The following CMTM4 variants were observed in gnomAD, a reference collection of about 807,000 sequenced individuals.
CMTM4 encodes CKLF like MARVEL transmembrane domain containing 4.
A neutral mutation model predicts 19.0 loss-of-function variants in CMTM4; 8 were observed. The observed-to-expected ratio is 0.42, with a 90% CI of 0.25 to 0.76. The LOEUF (loss-of-function observed/expected upper bound fraction) is 0.76, where lower values mean the gene tolerates loss of function less well. CMTM4 is among the 30% of genes least tolerant of loss of function. The probability of loss-of-function intolerance (pLI) is 0.27; values close to 1 mark genes in which losing one functional copy is unlikely to be tolerated. For missense variants in CMTM4, 228 were observed against 290.2 expected (o/e 0.79, Z 1.56); for synonymous variants, 106 against 121.1 (o/e 0.88, Z 0.82).
At chr16:66,639,270 C>T (rs1314236539) in intron 1 of CMTM4, among the ~76,000 whole-genome samples, 1 of 152,110 alleles carries the variant, frequency 6.6e-6, no homozygotes, top group Non-Finnish European at 1.5e-5. Context: ...CAAGAAATAA[C>T]ACACTGTACT....
intron 1 of CMTM4, among the ~76,000 whole-genome samples, chr16:66,672,978 C>T (rs1444276914): frequency 1.4e-5 from 2 of 141,474 alleles, no homozygotes; most frequent in Admixed American, 1.5e-4. Flanking sequence ...GGTGCAATCT[C>T]GGCTCACCAC....
At chr16:66,602,475 C>T in the CMTM4 span, among the ~76,000 whole-genome samples, 1 of 152,036 alleles carries the variant, frequency 6.6e-6, no homozygotes, top group Non-Finnish European at 1.5e-5. Context: ...ACCCTATACC[C>T]AAGGGTAAAA....
intron 1 of CMTM4, among the ~76,000 whole-genome samples, chr16:66,662,081 C>T (rs2016508793): frequency 6.6e-6 from 1 of 152,070 alleles, no homozygotes; most frequent in South Asian, 2.1e-4. Flanking sequence ...GGCTATCAGA[C>T]AATAAAAACA....
At chr16:66,651,079 C>G (rs1196915749) in intron 1 of CMTM4, among the ~76,000 whole-genome samples, 1 of 152,154 alleles carries the variant, frequency 6.6e-6, no homozygotes, top group Non-Finnish European at 1.5e-5. Flanking sequence ...TAGTTGTTAA[C>G]GGCTGCTGGA....
the CMTM4 span, among the ~76,000 whole-genome samples, chr16:66,599,330 G>A: frequency 2.0e-5 from 3 of 151,426 alleles, no homozygotes; most frequent in African/African-American, 7.3e-5. Flanking sequence ...AAATATAAGG[G>A]GACCTCCAAA....
intron 1 of CMTM4, among the ~76,000 whole-genome samples, chr16:66,670,718 T>C (rs537441485): frequency 6.6e-6 from 1 of 151,962 alleles, no homozygotes; most frequent in Admixed American, 6.6e-5. Flanking sequence ...GAAAATCGCC[T>C]GAACCCAGGA....
intron 1 of CMTM4, among the ~76,000 whole-genome samples, chr16:66,678,013 G>A (rs775385461): frequency 7.2e-5 from 11 of 151,874 alleles, no homozygotes; most frequent in Non-Finnish European, 1.6e-4. Context: ...ATCTATTTTC[G>A]TGAAGAAAAG....
chr16:66,626,491 A>T (rs893186740), intron 2 of CMTM4, among the ~76,000 whole-genome samples: 1 of 152,184 alleles, frequency 6.6e-6, no homozygotes, highest in African/African-American at 2.4e-5. Context: ...ATGTAGTCCC[A>T]GTTACTCGGC....
chr16:66,674,632 A>G (rs2016773045), intron 1 of CMTM4, among the ~76,000 whole-genome samples: 1 of 152,074 alleles, frequency 6.6e-6, no homozygotes, highest in African/African-American at 2.4e-5. Flanking sequence ...ACGAGTCAGC[A>G]AGCTACCTGT....
chr16:66,624,223 A>G (rs2015692028), intron 2 of CMTM4, among the ~76,000 whole-genome samples: 1 of 152,226 alleles, frequency 6.6e-6, no homozygotes, highest in Admixed American at 6.5e-5. Context: ...ATGGAACCAT[A>G]CAGGTGAAGA....
At chr16:66,694,652 G>T (rs1263433745) in intron 1 of CMTM4, among the ~76,000 whole-genome samples, 1 of 148,702 alleles carries the variant, frequency 6.7e-6, no homozygotes, top group East Asian at 2.0e-4. Flanking sequence ...GGCAGAGGTG[G>T]CAGTGAGCCA....
Position 66,617,334 on chromosome 16 carries a change from T to C in CMTM4, c.*4724A>G. 6.2e-7 allele frequency: 1 copy of C among 1,613,998 alleles called. No individual in the cohort carries two copies. Among genetic ancestry groups the C allele is most frequent in the Non-Finnish European group, 8.5e-7 (1 of 1,179,974 alleles). Reference sequence around the variant, plus strand: ...GGTTTGTGGGTGATTTTTTCCTTACTGTTACGTTTGTGGAGTAGGAAAAAC... The same window carrying C: ...GGTTTGTGGGTGATTTTTTCCTTACCGTTACGTTTGTGGAGTAGGAAAAAC... On this transcript the variant is annotated 3_prime_UTR_variant, in exon 4 of 4. Transcript: ENST00000394106.
the CMTM4 span, chr16:66,604,675 G>A: frequency 1.5e-6 from 1 of 668,202 alleles, no homozygotes; most frequent in Non-Finnish European, 2.1e-6. Context: ...GCGGGGCGTG[G>A]CGGCGGGGGA....
chr16:66,662,646 G>T lies in CMTM4; in HGVS notation c.187-26065C>A, dbSNP rs115011939. 8.0e-3 allele frequency among the ~76,000 whole-genome samples: 1,215 copies of T among 152,106 alleles called. 22 individuals are homozygous for T. Among genetic ancestry groups the T allele is most frequent in the African/African-American group, 0.028 (1,169 of 41,486 alleles). On this transcript the variant is annotated intron_variant, in intron 1 of 3. Coordinates refer to ENST00000394106, the MANE Select transcript of CMTM4 (RefSeq NM_181521.3). ...GAACCCGAGTTCTTAGGGCATGAGCGAACCCCCTTGCTTTCCCCTTCCCCT... is the reference window on the plus strand; with the variant it reads ...GAACCCGAGTTCTTAGGGCATGAGCTAACCCCCTTGCTTTCCCCTTCCCCT...
intron 1 of CMTM4, among the ~76,000 whole-genome samples, chr16:66,641,470 C>T (rs1200849841): frequency 6.6e-6 from 1 of 152,180 alleles, no homozygotes; most frequent in Non-Finnish European, 1.5e-5. Flanking sequence ...CAGGTACATA[C>T]AAATCAAACA....
Position 66,619,294 on chromosome 16 carries a change from C to T in CMTM4, c.*2764G>A, listed in dbSNP as rs2015584258. The T allele has an allele frequency of 5.1e-6, 5 of 985,320 alleles. No homozygotes were observed. In the South Asian group the frequency reaches 2.3e-4, roughly 46 times the overall value. 61.0% of individuals were successfully genotyped at this position (985,320 alleles called of 1,614,324 possible). ...TCTCTGAGGACATCAGTGTTTGCAT[C>T]CATCTAAAACCACCAGAGGTTCCAC... On this transcript the variant is annotated 3_prime_UTR_variant, in exon 4 of 4. Transcript: ENST00000394106.
chr16:66,667,018 C>T (rs191203166), intron 1 of CMTM4, among the ~76,000 whole-genome samples: 345 of 152,206 alleles, frequency 2.3e-3, no homozygotes, highest in Middle Eastern at 6.8e-3. Context: ...GCACATGTAC[C>T]CCCTGTATCT....
intron 1 of CMTM4, among the ~76,000 whole-genome samples, chr16:66,649,246 G>C (rs1022235591): frequency 3.3e-5 from 5 of 152,196 alleles, no homozygotes; most frequent in Non-Finnish European, 7.4e-5. Flanking sequence ...TCCTGAGGTG[G>C]GTGTGGACAT....
chr16:66,609,155 G>A, the CMTM4 span, among the ~76,000 whole-genome samples: 3 of 151,780 alleles, frequency 2.0e-5, no homozygotes, highest in Non-Finnish European at 2.9e-5. The surrounding 1 kb of genome is among the most constrained non-coding windows in gnomAD (Gnocchi z 4.4). Context: ...TGCTTCCACC[G>A]CATCGCAGGG....
Sources: gnomAD v4.1 joint callset for allele counts (sites outside exome capture counted in the v4.1 genomes callset) on GRCh38, gnomAD v4.1.1 for gene constraint, Gnocchi (gnomAD v3.1) non-coding constraint, MANE v1.5 for transcripts, NCBI Gene and HGNC (gene_info 2026-07-23, HGNC 2026-07-21) for gene names.